CFTR: variants seen among roughly 807,000 people sequenced by gnomAD.
CFTR encodes CF transmembrane conductance regulator, also known as cystic fibrosis transmembrane conductance regulator.
Under a neutral mutation model 171.6 loss-of-function variants are expected in CFTR, and 181 were observed. That is an observed-to-expected ratio of 1.05 (90% CI 0.93 to 1.19). The LOEUF is 1.19. CFTR is among the 50% of genes most tolerant of loss of function. The pLI, the probability that CFTR is intolerant of heterozygous loss-of-function variation, is 0.00. For synonymous variants in CFTR, 583 were observed against 608.0 expected, an observed-to-expected ratio of 0.96 and a Z score of 0.60; for missense variants, 1,968 against 1,734.7, an observed-to-expected ratio of 1.13 and a Z score of -2.39.
intron 21 of CFTR, among the ~76,000 whole-genome samples, chr7:117,622,873 T>A (rs980338939): frequency 1.3e-5 from 2 of 152,152 alleles, no homozygotes; most frequent in Non-Finnish European, 2.9e-5. Flanking sequence ...AATGCATCCC[T>A]TATAAAGTAA....
At position 117,536,610 on chromosome 7, in the gene CFTR, T is replaced by C. The variant is rs201016820; in HGVS notation, c.806T>C (p.Ile269Thr). The change falls in exon 7 of 27, where the codon ATC becomes ACC. Residue 269 changes from isoleucine to threonine, a missense_variant. Ile to Thr is a moderately conservative substitution (Grantham distance 89). Transcript: ENST00000003084. ...ATTACCTCAGAAATGATTGAAAATA[T>C]CCAATCTGTTAAGGCATACTGCTGG... ...LVITSEMIEN[I>T]QSVKAYCWEE... 1.6e-5 allele frequency: 26 copies of C among 1,610,668 alleles called. No homozygotes were observed. The African/African-American group carries it at 3.5e-4, about 21-fold the overall frequency.
intron 11 of CFTR, among the ~76,000 whole-genome samples, chr7:117,582,183 CAT>C (rs1182392894): frequency 2.0e-5 from 3 of 152,060 alleles, no homozygotes; most frequent in African/African-American, 7.2e-5. Flanking sequence ...CTTTATGAAA[CAT>C]AAACTATTAT....
rs397508581 is a variant in CFTR, at chr7:117,627,599, C to T, written c.3546C>T (p.Tyr1182=). Residue 1182 remains tyrosine, a synonymous_variant, in exon 22 of 27, where the codon TAC becomes TAT. Coordinates refer to ENST00000003084, the MANE Select transcript of CFTR (RefSeq NM_000492.4). ...AACCTACCAAGTCAACCAAACCATA[C>T]AAGAATGGCCAACTCTCGAAAGTTA... ...EGKPTKSTKP[Y]KNGQLSKVMI... 1.2e-6 allele frequency: 2 copies of T among 1,613,376 alleles called. No individual in the cohort carries two copies. Among genetic ancestry groups the T allele is most frequent in the Non-Finnish European group, 1.7e-6 (2 of 1,179,546 alleles).
Position 117,606,640 on chromosome 7 carries a change from T to G in CFTR, c.2909-34T>G, listed in dbSNP as rs889232357. ...TTGATATATCTTTAAAAAATTAGTG[T>G]TTTTTGAGGAATTTGTCATCTTGTA... On this transcript the variant is annotated intron_variant, in intron 17 of 26. Coordinates refer to ENST00000003084, the MANE Select transcript of CFTR (RefSeq NM_000492.4). 3.4e-6 allele frequency: 4 copies of G among 1,181,068 alleles called. No individual in the cohort carries two copies. In the African/African-American group the frequency reaches 6.0e-5, roughly 18 times the overall value. 73.2% of individuals were successfully genotyped at this position (1,181,068 alleles called of 1,614,324 possible). A position where few individuals can be genotyped will look rare whatever the true frequency, so the allele number is the denominator to read the frequency against.
chr7:117,518,588 A>ATATATATATATATATG (rs1485856686), intron 3 of CFTR, among the ~76,000 whole-genome samples: 3 of 147,338 alleles, frequency 2.0e-5, no homozygotes, highest in African/African-American at 7.5e-5. Context: ...ATATATATAT[A>ATATATATATATATATG]TGTGTGTTTT....
chr7:117,542,245 T>G (rs1799067881), intron 9 of CFTR, 137 bp downstream of exon 9: 1 of 650,036 alleles, frequency 1.5e-6, no homozygotes, highest in South Asian at 1.7e-5. Flanking sequence ...CACTCACTTA[T>G]TTTCTAGATT....
At chr7:117,626,703 G>A (rs1401940769) in intron 21 of CFTR, among the ~76,000 whole-genome samples, 1 of 151,148 alleles carries the variant, frequency 6.6e-6, no homozygotes, top group East Asian at 1.9e-4. Flanking sequence ...ATATATATTG[G>A]GTACTTATTA....
chr7:117,624,183 A>G (rs957034534), intron 21 of CFTR, among the ~76,000 whole-genome samples: 4 of 152,190 alleles, frequency 2.6e-5, no homozygotes, highest in Non-Finnish European at 5.9e-5. Context: ...AAATAATATC[A>G]TTGAATTCAG....
chr7:117,580,532 T>A (rs1392695997), intron 11 of CFTR, among the ~76,000 whole-genome samples: 2 of 152,102 alleles, frequency 1.3e-5, no homozygotes, highest in Admixed American at 1.3e-4. Context: ...TGAGGGTATG[T>A]CTTAGAAAAA....
chr7:117,545,757 T>G (rs982381351), intron 9 of CFTR, among the ~76,000 whole-genome samples: 1 of 152,132 alleles, frequency 6.6e-6, no homozygotes, highest in African/African-American at 2.4e-5. Context: ...GCTAGGCTTC[T>G]GTGACTCCAA....
chr7:117,648,578 A>T (rs1467118014), intron 23 of CFTR, among the ~76,000 whole-genome samples: 1 of 152,152 alleles, frequency 6.6e-6, no homozygotes, highest in African/African-American at 2.4e-5. Context: ...AGAGAGATAA[A>T]GGGCCATTGT....
At chr7:117,578,805 C>T (rs1791810536) in intron 11 of CFTR, among the ~76,000 whole-genome samples, 1 of 152,076 alleles carries the variant, frequency 6.6e-6, no homozygotes, top group African/African-American at 2.4e-5. Context: ...AAATTTAACA[C>T]AACCAAATAG....
At chr7:117,569,002 T>C (rs1791646007) in intron 11 of CFTR, among the ~76,000 whole-genome samples, 1 of 152,156 alleles carries the variant, frequency 6.6e-6, no homozygotes, top group African/African-American at 2.4e-5. Flanking sequence ...TGTGTTCCCT[T>C]TTGGAAATGC....
At position 117,581,831 on chromosome 7, in the gene CFTR, G is replaced by A. The variant is rs151147329; in HGVS notation, c.1585-5908G>A. On this transcript the variant is annotated intron_variant, in intron 11 of 26. Transcript: ENST00000003084. Reference sequence around the variant, plus strand: ...AATGGAGTGATCACGGTTCATTGCAGCCTTGACCTCCTGGGCTCAAGCGAT... The same window carrying A: ...AATGGAGTGATCACGGTTCATTGCAACCTTGACCTCCTGGGCTCAAGCGAT... Among the ~76,000 whole-genome samples, 687 of 152,170 alleles carry A rather than the reference G, an allele frequency of 4.5e-3. 3 individuals carry two copies. The highest frequency in any genetic ancestry group is 0.01 in the Middle Eastern group (3 of 294).
intron 14 of CFTR, 34 bp from the exon 15 acceptor site, chr7:117,594,896 G>C: frequency 1.2e-6 from 2 of 1,606,508 alleles, no homozygotes; most frequent in Non-Finnish European, 1.7e-6. Context: ...AAACTGTACT[G>C]TCTTATTGTA....
chr7:117,562,027 AT>A (rs1345820242), intron 11 of CFTR, among the ~76,000 whole-genome samples: 2 of 152,184 alleles, frequency 1.3e-5, no homozygotes, highest in Non-Finnish European at 2.9e-5. Flanking sequence ...TAATGAGTAA[AT>A]GGTCACTGGC....
intron 9 of CFTR, among the ~76,000 whole-genome samples, chr7:117,545,245 A>C (rs1038001810): frequency 6.6e-6 from 1 of 151,700 alleles, no homozygotes; most frequent in Non-Finnish European, 1.5e-5. Context: ...GATGGGCAAG[A>C]CCCTCCCCCA....
At chr7:117,624,095 G>A (rs559800749) in intron 21 of CFTR, among the ~76,000 whole-genome samples, 2 of 152,224 alleles carry the variant, frequency 1.3e-5, no homozygotes, top group Admixed American at 1.3e-4. Flanking sequence ...ATGAAATTAA[G>A]TGTACAAGAA....
intron 3 of CFTR, among the ~76,000 whole-genome samples, chr7:117,529,569 C>T (rs1233622138): frequency 6.9e-6 from 1 of 144,852 alleles, no homozygotes; most frequent in African/African-American, 2.5e-5. Flanking sequence ...CCTTGGTTGA[C>T]ATAGTTAATT....
Sources: allele counts gnomAD v4.1 joint callset (sites outside exome capture counted in the v4.1 genomes callset), GRCh38; gene constraint gnomAD v4.1.1; transcripts MANE v1.5; gene names NCBI Gene and HGNC (gene_info 2026-07-23, HGNC 2026-07-21).